Variants in TCF12 observed in about 807,000 individuals in gnomAD.
TCF12 encodes transcription factor 12.
Under a neutral mutation model 86.0 loss-of-function variants are expected in TCF12, and 45 were observed. That is an observed-to-expected ratio of 0.52 (90% confidence interval 0.41 to 0.67). TCF12 has a LOEUF of 0.67. Among genes scored for constraint, TCF12 ranks in the 30% least tolerant of loss-of-function variants. The pLI is 0.00. For missense variants in TCF12, 881 were observed against 859.9 expected (o/e 1.02, Z -0.31); for synonymous variants, 330 against 299.6 (o/e 1.10, Z -1.05).
intron 3 of TCF12, among the ~76,000 whole-genome samples, chr15:57,022,972 T>G (rs17819755): frequency 0.041 from 6,173 of 152,268 alleles, 377 homozygotes; most frequent in Admixed American, 0.17. Context: ...GGGAGTTGAA[T>G]AATGTACACA....
intron 3 of TCF12, among the ~76,000 whole-genome samples, chr15:57,006,619 C>T (rs751937367): frequency 6.6e-6 from 1 of 151,778 alleles, no homozygotes; most frequent in Non-Finnish European, 1.5e-5. Context: ...AAATTACTTT[C>T]CTTTTGAAAA....
At chr15:57,069,293 G>T (rs1334654150) in intron 4 of TCF12, among the ~76,000 whole-genome samples, 1 of 152,000 alleles carries the variant, frequency 6.6e-6, no homozygotes, top group South Asian at 2.1e-4. Context: ...ATCAAGAGTT[G>T]GCATTTTAAT....
intron 6 of TCF12, among the ~76,000 whole-genome samples, chr15:57,169,689 A>AC (rs140704962): frequency 6.6e-6 from 1 of 152,076 alleles, no homozygotes; most frequent in African/African-American, 2.4e-5. Context: ...GCTAAACTTG[A>AC]GGGGGGAGAA....
chr15:57,289,584 CAAAATTT>C lies in TCF12; in HGVS notation c.*3443_*3449del, dbSNP rs1265253286. 1 of 147,674 alleles carries C rather than the reference CAAAATTT, an allele frequency of 6.8e-6. No homozygotes were observed. Among genetic ancestry groups the C allele is most frequent in the Admixed American group, 6.8e-5 (1 of 14,762 alleles). The allele number at this position is 147,674 out of a possible 1,614,324, so 9.1% of individuals were successfully genotyped here. On this transcript the variant is annotated 3_prime_UTR_variant, in exon 21 of 21. Transcript: ENST00000333725. ...CATGTTTTCTTTTTCCTTGGAAACT[CAAAATTT>C]AAACACACGTCGTGTGTGTGTGTGT...
intron 5 of TCF12, among the ~76,000 whole-genome samples, chr15:57,113,857 G>C (rs1785919237): frequency 6.6e-6 from 1 of 151,832 alleles, no homozygotes; most frequent in Admixed American, 6.6e-5. Context: ...TTAGGAATCT[G>C]AGACAGGAGG....
At chr15:57,148,184 G>A (rs549136366) in intron 5 of TCF12, among the ~76,000 whole-genome samples, 251 of 143,580 alleles carry the variant, frequency 1.7e-3, no homozygotes, top group Admixed American at 3.0e-3. Flanking sequence ...TTACCAGGTC[G>A]ATTTTTGTTA....
intron 3 of TCF12, among the ~76,000 whole-genome samples, chr15:56,940,570 T>C (rs1338619835): frequency 4.7e-5 from 7 of 150,278 alleles, no homozygotes; most frequent in Admixed American, 4.7e-4. Context: ...CTTCCTCTTC[T>C]TCTTCTTCTC....
chr15:57,163,350 T>C (rs1389178803), intron 5 of TCF12, among the ~76,000 whole-genome samples: 2 of 152,180 alleles, frequency 1.3e-5, no homozygotes, highest in Non-Finnish European at 2.9e-5. Context: ...CGTAGAAGTT[T>C]TACAACTCTA....
intron 8 of TCF12, among the ~76,000 whole-genome samples, chr15:57,200,736 A>G (rs1413341606): frequency 2.0e-5 from 3 of 152,206 alleles, no homozygotes; most frequent in African/African-American, 7.2e-5. Flanking sequence ...TTTTTTGTAA[A>G]CTGTTTTATA....
chr15:56,966,292 A>C (rs1326960777), intron 3 of TCF12, among the ~76,000 whole-genome samples: 2 of 152,180 alleles, frequency 1.3e-5, no homozygotes, highest in Admixed American at 1.3e-4. Flanking sequence ...TTCAATGGCA[A>C]AAAAGCTAGG....
At chr15:57,005,050 T>G (rs2064268764) in intron 3 of TCF12, among the ~76,000 whole-genome samples, 1 of 152,234 alleles carries the variant, frequency 6.6e-6, no homozygotes, top group African/African-American at 2.4e-5. Flanking sequence ...TATTATGATA[T>G]AAATATCTCT....
intron 3 of TCF12, among the ~76,000 whole-genome samples, chr15:56,978,195 A>T (rs2062708546): frequency 6.6e-6 from 1 of 152,138 alleles, no homozygotes; most frequent in South Asian, 2.1e-4. Flanking sequence ...TCTGAACAAA[A>T]CTCGGTTCAT....
chr15:57,274,383 A>C (rs1366682275), intron 19 of TCF12, among the ~76,000 whole-genome samples: 1 of 152,242 alleles, frequency 6.6e-6, no homozygotes, highest in African/African-American at 2.4e-5. Context: ...GTGTATAATC[A>C]ACCTAATGTT....
chr15:57,023,845 G>A (rs1299487506), intron 3 of TCF12, among the ~76,000 whole-genome samples: 3 of 152,206 alleles, frequency 2.0e-5, no homozygotes, highest in Admixed American at 6.5e-5. Flanking sequence ...GGTGAGGGTT[G>A]TAGGGGATAG....
intron 4 of TCF12, among the ~76,000 whole-genome samples, chr15:57,068,823 G>A (rs1272740348): frequency 1.3e-5 from 2 of 152,090 alleles, no homozygotes; most frequent in Non-Finnish European, 2.9e-5. Flanking sequence ...TAGTTTTCTG[G>A]TCTCTAAAAT....
intron 3 of TCF12, among the ~76,000 whole-genome samples, chr15:57,023,448 C>CT (rs1338245206): frequency 1.3e-5 from 2 of 152,100 alleles, no homozygotes; most frequent in Admixed American, 6.6e-5. Context: ...ATGATCACAA[C>CT]TTACTGATCA....
chr15:57,244,358 C>T (rs147125542), intron 13 of TCF12, among the ~76,000 whole-genome samples: 2 of 146,318 alleles, frequency 1.4e-5, no homozygotes, highest in East Asian at 2.0e-4. Context: ...AGTTATTTCC[C>T]ATAGATAAAA....
intron 4 of TCF12, among the ~76,000 whole-genome samples, chr15:57,068,389 T>C (rs2069086107): frequency 6.6e-6 from 1 of 152,222 alleles, no homozygotes. Flanking sequence ...TTTGCAAATA[T>C]GCTGTATTCT....
intron 17 of TCF12, 128 bp from the exon 18 acceptor site, chr15:57,262,984 T>A: frequency 1.1e-6 from 1 of 947,338 alleles, no homozygotes; most frequent in Middle Eastern, 3.2e-4. Flanking sequence ...TTCCTACATC[T>A]TCAAACCTCC....
Sources: gnomAD v4.1 joint callset for allele counts (sites outside exome capture counted in the v4.1 genomes callset) on GRCh38, gnomAD v4.1.1 for gene constraint, MANE v1.5 for transcripts, NCBI Gene and HGNC (gene_info 2026-07-23, HGNC 2026-07-21) for gene names.